Variants in LGI3 observed in about 807,000 individuals in gnomAD.
LGI3 encodes the protein leucine-rich repeat LGI family member 3.
A neutral mutation model predicts 55.4 loss-of-function variants in LGI3; 47 were observed. The ratio of observed to expected loss-of-function variants is 0.85; its 90% CI spans 0.67 to 1.08. LGI3 has a LOEUF of 1.08. Among genes scored for constraint, LGI3 ranks in the 50% least tolerant of loss-of-function variants. The pLI is 0.00. For synonymous variants in LGI3, 326 were observed against 315.0 expected, an observed-to-expected ratio of 1.04 and a Z score of -0.37; for missense variants, 664 against 726.3, an observed-to-expected ratio of 0.91 and a Z score of 0.99.
intron 2 of LGI3, chr8:22,155,018 GC>G (rs1169721984): frequency 1.1e-4 from 45 of 400,256 alleles, no homozygotes; most frequent in Non-Finnish European, 1.6e-4. Flanking sequence ...CTTTCTTTCA[GC>G]CCCCAGCTCT....
chr8:22,156,324 G>A lies in LGI3; in HGVS notation c.206+13C>T, dbSNP rs1296466675. ...TCCCTCCCCAACCCCCAAGGCCAGG[G>A]CTGGACACTCACAGGGAGATGACCT... is the stretch of plus-strand genomic sequence containing the variant. On this transcript the variant is annotated intron_variant, in intron 1 of 7. Coordinates refer to ENST00000306317, the MANE Select transcript of LGI3 (RefSeq NM_139278.4). 4 of 1,610,630 alleles carry A rather than the reference G, an allele frequency of 2.5e-6. No individual in the cohort carries two copies. In the East Asian group the frequency reaches 8.9e-5, roughly 36 times the overall value.
At chr8:22,154,479 T>C in intron 3 of LGI3, 81 bp downstream of exon 3, 1 of 1,249,286 alleles carries the variant, frequency 8.0e-7, no homozygotes. Flanking sequence ...TCTCATCCAC[T>C]CCCTACCCAG....
chr8:22,149,020 C>T, intron 7 of LGI3, 43 bp from the exon 8 acceptor site: 1 of 1,459,388 alleles, frequency 6.9e-7, no homozygotes, highest in Non-Finnish European at 9.3e-7. Flanking sequence ...AGGCCGGCGG[C>T]TCCCACTCCA....
At chr8:22,149,981 C>A (rs1375523278) in intron 7 of LGI3, among the ~76,000 whole-genome samples, 3 of 152,294 alleles carry the variant, frequency 2.0e-5, no homozygotes, top group South Asian at 4.1e-4. Flanking sequence ...CAGCTCCATA[C>A]CCATCGCTGA....
At chr8:22,155,118 A>C (rs934526423) in intron 2 of LGI3, 1 of 509,706 alleles carries the variant, frequency 2.0e-6, no homozygotes, top group Non-Finnish European at 3.5e-6. Flanking sequence ...ATCGCACCCA[A>C]TTCTCTGGGG....
Position 22,148,415 on chromosome 8 carries a change from G to A in LGI3, c.1392C>T (p.Ser464=), listed in dbSNP as rs776422222. 4.3e-6 allele frequency: 7 copies of A among 1,612,598 alleles called. No homozygotes were observed. Among genetic ancestry groups the A allele is most frequent in the Non-Finnish European group, 5.9e-6 (7 of 1,179,924 alleles). The change falls in exon 8 of 8, where the codon TCC becomes TCT. Residue 464 remains serine (S), a synonymous_variant. Transcript: ENST00000306317. This position sits in a 1 kb window ranked among gnomAD's most constrained non-coding sequence, Gnocchi z 7.0. ...TRFSEVQALP[S]RGSLALQPFL... The stretch of plus-strand genomic sequence containing the variant: ...AGGGCTGCAGGGCCAGCGAGCCCCG[G>A]GAGGGCAGGGCCTGCACCTCCGAGA...
intron 7 of LGI3, among the ~76,000 whole-genome samples, chr8:22,149,568 C>G (rs946998007): frequency 6.6e-6 from 1 of 152,204 alleles, no homozygotes; most frequent in Non-Finnish European, 1.5e-5. Flanking sequence ...CCCAAGAGTT[C>G]TCACTTTTGA....
At chr8:22,151,444 C>G (rs368805655) in intron 7 of LGI3, 45 bp downstream of exon 7, 10 of 1,590,678 alleles carry the variant, frequency 6.3e-6, no homozygotes, top group South Asian at 2.2e-5. Flanking sequence ...CCCACTCCCC[C>G]CTCCCCCTAG....
Position 22,148,130 on chromosome 8 carries a change from C to A in LGI3, c.*30G>T, listed in dbSNP as rs1174274674. On this transcript the variant is annotated 3_prime_UTR_variant, in exon 8 of 8. Transcript: ENST00000306317. This position sits in a 1 kb window ranked among gnomAD's most constrained non-coding sequence, Gnocchi z 7.0. ...GCCCCCACCCATCCTCCAGTGGCCA[C>A]CCTGAGGAGACCAGAGGCCTCGGCA... 2.6e-6 allele frequency: 4 copies of A among 1,546,502 alleles called. No homozygotes were observed. The highest frequency in any genetic ancestry group is 3.5e-6 in the Non-Finnish European group (4 of 1,147,606).
rs1324779905 is a variant in LGI3, at chr8:22,147,790, G to A, written c.*370C>T. ...TGGAGCACCAACAGGAAAGACCAGA[G>A]GGGCAGAAGGAGAAGCACAAGGACA... is the stretch of plus-strand genomic sequence containing the variant. On this transcript the variant is annotated 3_prime_UTR_variant, in exon 8 of 8. Transcript: ENST00000306317. 1.4e-5 allele frequency: 3 copies of A among 209,590 alleles called. No homozygotes were observed. The highest frequency in any genetic ancestry group is 5.2e-5 in the Admixed American group (1 of 19,288). The allele number at this position is 209,590 out of a possible 1,614,324, so 13.0% of individuals were successfully genotyped here. A position where few individuals can be genotyped will look rare whatever the true frequency, so the allele number is the denominator to read the frequency against.
rs1827331659 is a variant in LGI3 at position 22,148,279 on chromosome 8, C to T, written c.1528G>A (p.Val510Met). ...TAGCAGAAGGCCCGAGGAGCCTGCA[C>T]AGCCAGCTCCTGGAACCGTACAAAC... Reference protein sequence around the residue: ...QKFVRFQELAVQAPRAFCYMP... With the variant: ...QKFVRFQELAMQAPRAFCYMP... Residue 510 changes from valine to methionine, a missense_variant, in exon 8 of 8, where the codon GTG becomes ATG. Physicochemically the swap from Val to Met is conservative, Grantham distance 21 (BLOSUM62 1). Coordinates refer to ENST00000306317, the MANE Select transcript of LGI3 (RefSeq NM_139278.4). This position sits in a 1 kb window ranked among gnomAD's most constrained non-coding sequence, Gnocchi z 7.0. 9 of 1,614,030 alleles carry T rather than the reference C, an allele frequency of 5.6e-6. No individual in the cohort carries two copies. Among genetic ancestry groups the T allele is most frequent in the Non-Finnish European group, 7.6e-6 (9 of 1,180,020 alleles).
chr8:22,147,284 GTCT>G lies in LGI3; in HGVS notation c.*873_*875del, dbSNP rs1417008102. ...CAGAAAGGCTTTCAGATGAGGGGAG[GTCT>G]TCTGTCCATGGGTGAGCTGGGATTC... On this transcript the variant is annotated 3_prime_UTR_variant, in exon 8 of 8. Transcript: ENST00000306317. The G allele has an allele frequency of 2.0e-5, 3 of 152,378 alleles. No homozygotes were observed. Among genetic ancestry groups the G allele is most frequent in the Non-Finnish European group, 4.4e-5 (3 of 68,156 alleles). The allele number at this position is 152,378 out of a possible 1,614,324, so 9.4% of individuals were successfully genotyped here. A position where few individuals can be genotyped will look rare whatever the true frequency, so the allele number is the denominator to read the frequency against.
chr8:22,155,335 T>G, intron 2 of LGI3, 57 bp downstream of exon 2: 1 of 1,522,306 alleles, frequency 6.6e-7, no homozygotes, highest in Non-Finnish European at 9.1e-7. Flanking sequence ...GCCCAGGATT[T>G]GTCCCCTGCT....
chr8:22,155,192 C>T (rs1827470766), intron 2 of LGI3, 200 bp downstream of exon 2: 3 of 600,078 alleles, frequency 5.0e-6, no homozygotes, highest in Non-Finnish European at 8.9e-6. Context: ...CCATCCCTAG[C>T]TGTCCTCCTG....
intron 5 of LGI3, 87 bp downstream of exon 5, chr8:22,153,881 G>A (rs1482153389): frequency 1.3e-5 from 18 of 1,389,942 alleles, no homozygotes; most frequent in Middle Eastern, 2.4e-4. Context: ...AAGACCTTAT[G>A]ACCATCCCAA....
At chr8:22,152,061 A>G in intron 5 of LGI3, 61 bp from the exon 6 acceptor site, 2 of 1,384,210 alleles carry the variant, frequency 1.4e-6, no homozygotes. Context: ...GGCTCTGCCT[A>G]CCCAGGCCCT....
chr8:22,148,533 G>C lies in LGI3; in HGVS notation c.1274C>G (p.Ala425Gly), dbSNP rs1281296057. ...GEVTQVPDAQ[A>G]VKHFRAGRDS... ...GCGGCCGGCACGAAAGTGTTTCACA[G>C]CTTGGGCATCAGGCACCTGGGTCAC... The change falls in exon 8 of 8, where the codon GCT (alanine) becomes GGT (glycine). Residue 425 changes from alanine to glycine, a missense_variant. Ala to Gly is a moderately conservative substitution (Grantham distance 60). Transcript: ENST00000306317. The surrounding 1 kb of genome is among the most constrained non-coding windows in gnomAD (Gnocchi z 7.0). 20 of 1,613,662 alleles carry C rather than the reference G, an allele frequency of 1.2e-5. 1 individual carries two copies. The Admixed American group carries it at 1.3e-4, about 11-fold the overall frequency.
rs751038112 is a variant in LGI3 at position 22,151,955 on chromosome 8, C to T, written c.540G>A (p.Trp180Ter). 6.2e-7 allele frequency: 1 copy of T among 1,612,900 alleles called. No homozygotes were observed. The highest frequency in any genetic ancestry group is 8.5e-7 in the Non-Finnish European group (1 of 1,179,470). Residue 180 changes from tryptophan to a stop codon, truncating the protein, a stop_gained, in exon 6 of 8, where the codon TGG (tryptophan) becomes TGA (stop). Coordinates refer to ENST00000306317, the MANE Select transcript of LGI3 (RefSeq NM_139278.4). LOFTEE classifies it high-confidence loss of function. ...NSLNCDCKVK[W>*]LVEWLAHTNT... ...TGGTGTGTGCCAGCCACTCCACCAA[C>T]CACTTCACCTTGCAGTCACAGTTGA...
At chr8:22,150,096 C>T (rs971930345) in intron 7 of LGI3, among the ~76,000 whole-genome samples, 8 of 152,174 alleles carry the variant, frequency 5.3e-5, no homozygotes, top group Non-Finnish European at 1.2e-4. Context: ...CCTCCACTCA[C>T]CCTTCCCTGA....
Sources: allele counts gnomAD v4.1 joint callset (sites outside exome capture counted in the v4.1 genomes callset), GRCh38; gene constraint gnomAD v4.1.1; non-coding constraint Gnocchi (gnomAD v3.1); transcripts MANE v1.5; gene names NCBI Gene and HGNC (gene_info 2026-07-23, HGNC 2026-07-21).